NSD1: variants seen among roughly 807,000 people sequenced by gnomAD.
NSD1 encodes nuclear receptor binding SET domain protein 1, also known as histone-lysine N-methyltransferase, H3 lysine-36 specific.
Under a neutral mutation model 242.7 loss-of-function variants are expected in NSD1, and 26 were observed. The ratio of observed to expected loss-of-function variants is 0.11; its 90% confidence interval spans 0.08 to 0.15. The LOEUF (loss-of-function observed/expected upper bound fraction) is 0.15, where lower values mean the gene tolerates loss of function less well. Among genes scored for constraint, NSD1 ranks in the 10% least tolerant of loss-of-function variants. The pLI is 1.00. For missense variants in NSD1, 2,495 were observed against 3,272.8 expected, an observed-to-expected ratio of 0.76 and a Z score of 5.80; for synonymous variants, 1,106 against 1,178.1, an observed-to-expected ratio of 0.94 and a Z score of 1.25.
rs918093301 is a variant in NSD1 at position 177,134,187 on chromosome 5, C to T, written c.-18+235C>T. On this transcript the variant is annotated intron_variant, in intron 1 of 22. Transcript: ENST00000439151. The surrounding 1 kb of genome is among the most constrained non-coding windows in gnomAD (Gnocchi z 4.2). ...GGCCGGGCTGCCGCGAACTTCCTCC[C>T]GGCGCGGCCCGTGCCCCGCCGGCCG... is the stretch of plus-strand genomic sequence containing the variant. 4.6e-5 allele frequency: 7 copies of T among 151,676 alleles called. No homozygotes were observed. Among genetic ancestry groups the T allele is most frequent in the South Asian group, 2.1e-4 (1 of 4,824 alleles). The allele number at this position is 151,676 out of a possible 1,614,324, so 9.4% of individuals were successfully genotyped here. A position where few individuals can be genotyped will look rare whatever the true frequency, so the allele number is the denominator to read the frequency against.
rs149278634 is a variant in NSD1, at chr5:177,221,831, C to T, written c.3796+9636C>T. ...GTTTTTGTTTTTTCTTTTTTTGAGACAGAGTTTCATTCTCATCGCCCAGGC... is the reference window on the plus strand; with the variant it reads ...GTTTTTGTTTTTTCTTTTTTTGAGATAGAGTTTCATTCTCATCGCCCAGGC... On this transcript the variant is annotated intron_variant, in intron 5 of 22. Coordinates refer to ENST00000439151, the MANE Select transcript of NSD1 (RefSeq NM_022455.5). Among the ~76,000 whole-genome samples, 710 of 148,502 alleles carry T rather than the reference C, an allele frequency of 4.8e-3. 7 individuals are homozygous for T. The highest frequency in any genetic ancestry group is 6.4e-3 in the Non-Finnish European group (430 of 67,128).
intron 4 of NSD1, among the ~76,000 whole-genome samples, chr5:177,205,058 A>G (rs1762778931): frequency 6.6e-6 from 1 of 151,920 alleles, no homozygotes; most frequent in Non-Finnish European, 1.5e-5. Context: ...GTTTTTGGAG[A>G]CAGAGTCTCA....
Position 177,192,042 on chromosome 5 carries a change from A to G in NSD1, c.1063+23A>G, listed in dbSNP as rs375470141. 5 of 1,611,278 alleles carry G rather than the reference A, an allele frequency of 3.1e-6. No homozygotes were observed. In the African/African-American group the frequency reaches 5.3e-5, roughly 17 times the overall value. On this transcript the variant is annotated intron_variant, in intron 3 of 22. Transcript: ENST00000439151. ...AAGGTAATACTTGCAGTGATTATAC[A>G]TGTTAAAGGCAGTTGCCTTTAGAAT...
At chr5:177,136,131 TTCACAGC>T in intron 2 of NSD1, 101 bp downstream of exon 2, 1 of 1,017,694 alleles carries the variant, frequency 9.8e-7, no homozygotes, top group Non-Finnish European at 1.5e-6. Flanking sequence ...TGCTTATCAG[TTCACAGC>T]TGAAATCCTA....
chr5:177,191,169 C>G (rs1324584512), intron 2 of NSD1, among the ~76,000 whole-genome samples: 1 of 151,230 alleles, frequency 6.6e-6, no homozygotes, highest in African/African-American at 2.4e-5. Flanking sequence ...AAGGTTTCAC[C>G]ATGTTGGCCA....
Position 177,218,571 on chromosome 5 carries a change from C to CTT in NSD1, c.3796+6389_3796+6390dup, listed in dbSNP as rs746124645. ...TTCCACTTGGTCATGATGTATATTT[C>CTT]TTTTTTTTTTTTTTGAGACGGAGTC... On this transcript the variant is annotated intron_variant, in intron 5 of 22. Transcript: ENST00000439151. Among the ~76,000 whole-genome samples the CTT allele has an allele frequency of 5.0e-5, 7 of 140,586 alleles. No individual in the cohort carries two copies. In the East Asian group the frequency reaches 6.2e-4, roughly 12 times the overall value. 92.2% of individuals were successfully genotyped at this position (140,586 alleles called of 152,430 possible).
intron 22 of NSD1, among the ~76,000 whole-genome samples, 198 bp from the exon 23 acceptor site, chr5:177,293,634 G>A (rs1186684406): frequency 6.9e-6 from 1 of 145,080 alleles, no homozygotes; most frequent in Non-Finnish European, 1.5e-5. Flanking sequence ...ATAATTCGCT[G>A]TTACTTTATG....
intron 12 of NSD1, among the ~76,000 whole-genome samples, chr5:177,255,297 T>G (rs1419216351): frequency 1.3e-5 from 2 of 151,534 alleles, no homozygotes; most frequent in Non-Finnish European, 2.9e-5. Flanking sequence ...AGAGGGAGAT[T>G]GAGTCTCAAA....
chr5:177,158,913 A>G (rs1229354194), intron 2 of NSD1, among the ~76,000 whole-genome samples: 2 of 140,080 alleles, frequency 1.4e-5, no homozygotes, highest in East Asian at 4.0e-4. Context: ...AAAGTTTTTT[A>G]TATATAGTTT....
rs57039586 is a variant in NSD1 at position 177,163,144 on chromosome 5, T to C, written c.927+27114T>C. ...TGATAAAGATTAATGAAATGTCTCT[T>C]TTTTTTTTTTTTTTTTGAGACGGAG... On this transcript the variant is annotated intron_variant, in intron 2 of 22. Transcript: ENST00000439151. Among the ~76,000 whole-genome samples, 346 of 129,056 alleles carry C rather than the reference T, an allele frequency of 2.7e-3. 1 individual carries two copies. Among genetic ancestry groups the C allele is most frequent in the African/African-American group, 0.011 (331 of 28,858 alleles). The allele number at this position is 129,056 out of a possible 152,430, so 84.7% of individuals were successfully genotyped here. A position where few individuals can be genotyped will look rare whatever the true frequency, so the allele number is the denominator to read the frequency against.
intron 22 of NSD1, among the ~76,000 whole-genome samples, chr5:177,292,400 T>G (rs904980717): frequency 6.6e-6 from 1 of 152,216 alleles, no homozygotes; most frequent in African/African-American, 2.4e-5. Context: ...TCATGTTTAT[T>G]TCATTCCCCC....
intron 4 of NSD1, 137 bp downstream of exon 4, chr5:177,204,429 C>A: frequency 1.3e-6 from 1 of 768,176 alleles, no homozygotes; most frequent in Non-Finnish European, 2.1e-6. Context: ...TCTTTGTTCA[C>A]TGCAACCTCC....
At chr5:177,142,365 G>C (rs1420161286) in intron 2 of NSD1, among the ~76,000 whole-genome samples, 1 of 152,182 alleles carries the variant, frequency 6.6e-6, no homozygotes, top group African/African-American at 2.4e-5. Flanking sequence ...TTCACTGTGT[G>C]GCAAAAACTA....
At chr5:177,154,199 C>T (rs1363129909) in intron 2 of NSD1, among the ~76,000 whole-genome samples, 1 of 151,852 alleles carries the variant, frequency 6.6e-6, no homozygotes, top group Admixed American at 6.6e-5. Flanking sequence ...AGTGAGTGAT[C>T]CAAGAGACAG....
intron 10 of NSD1, 98 bp downstream of exon 10, chr5:177,246,894 T>C (rs1051372589): frequency 1.1e-6 from 1 of 875,374 alleles, no homozygotes; most frequent in Non-Finnish European, 1.9e-6. Context: ...TTAAGAATAC[T>C]ATTCTACTGA....
At position 177,135,841 on chromosome 5, in the gene NSD1, C is replaced by T; in HGVS notation, c.738C>T (p.Gly246=). 6.2e-7 allele frequency: 1 copy of T among 1,605,858 alleles called. No individual in the cohort carries two copies. The highest frequency in any genetic ancestry group is 8.5e-7 in the Non-Finnish European group (1 of 1,174,154). The change falls in exon 2 of 23, where the codon GGC becomes GGT. Residue 246 remains glycine (G), a synonymous_variant. Coordinates refer to ENST00000439151, the MANE Select transcript of NSD1 (RefSeq NM_022455.5). ...QKNKQRNEVD[G]SNEKAALLPA... ...ATAAGCAAAGAAATGAAGTGGACGG[C>T]AGCAATGAAAAAGCAGCCCTTCTCC... is the stretch of plus-strand genomic sequence containing the variant.
At chr5:177,138,510 C>A (rs538562123) in intron 2 of NSD1, among the ~76,000 whole-genome samples, 103 of 152,266 alleles carry the variant, frequency 6.8e-4, no homozygotes, top group African/African-American at 2.4e-3. Flanking sequence ...CCCACCTTGG[C>A]CTCCCAAAGT....
chr5:177,190,993 T>G (rs1316433319), intron 2 of NSD1, among the ~76,000 whole-genome samples: 1 of 140,498 alleles, frequency 7.1e-6, no homozygotes. Flanking sequence ...TTTTTTTTTT[T>G]GAAGAGTCTC....
intron 5 of NSD1, among the ~76,000 whole-genome samples, chr5:177,231,433 A>G (rs1171911661): frequency 1.3e-5 from 2 of 152,170 alleles, no homozygotes; most frequent in Non-Finnish European, 2.9e-5. Flanking sequence ...TATTTTGATC[A>G]TAAAACATGA....
Sources: allele counts gnomAD v4.1 joint callset (sites outside exome capture counted in the v4.1 genomes callset), GRCh38; gene constraint gnomAD v4.1.1; non-coding constraint Gnocchi (gnomAD v3.1); transcripts MANE v1.5; gene names NCBI Gene and HGNC (gene_info 2026-07-23, HGNC 2026-07-21).